Variants in RIGI observed in about 807,000 individuals in gnomAD.
The protein encoded by RIGI is RNA sensor RIG-I, also known as antiviral innate immune response receptor RIG-I.
chr9:32,468,010 G>A, the RIGI span: 1 of 1,343,952 alleles, frequency 7.4e-7, no homozygotes. Context: ...ACTAATTATG[G>A]AATGCTTATT....
At chr9:32,501,060 T>C in the RIGI span, 17 of 1,249,440 alleles carry the variant, frequency 1.4e-5, no homozygotes, top group Admixed American at 4.6e-5. Flanking sequence ...AGTCACAGCA[T>C]TGGAAGAATC....
chr9:32,509,448 C>T, the RIGI span, among the ~76,000 whole-genome samples: 1 of 152,126 alleles, frequency 6.6e-6, no homozygotes, highest in Non-Finnish European at 1.5e-5. Context: ...CTGGTGATAC[C>T]CAGGCAAACA....
chr9:32,486,013 A>T, the RIGI span, among the ~76,000 whole-genome samples: 1 of 152,182 alleles, frequency 6.6e-6, no homozygotes, highest in Admixed American at 6.5e-5. Context: ...ATATTATTTC[A>T]GCCTAATTAT....
the RIGI span, among the ~76,000 whole-genome samples, chr9:32,499,316 G>GTTTTTTTTTTTTTTTTTTTT: frequency 5.4e-4 from 31 of 57,648 alleles, 1 homozygote; most frequent in Admixed American, 1.0e-3. Flanking sequence ...TTTGTGATTT[G>GTTTTTTTTTTTTTTTTTTTT]TTTTTTTTTT....
chr9:32,489,032 A>C, the RIGI span: 1 of 792,828 alleles, frequency 1.3e-6, no homozygotes, highest in Admixed American at 3.5e-5. Context: ...CAGAATTTAC[A>C]CTATGACTAA....
At chr9:32,480,244 C>T in the RIGI span, 1 of 1,608,276 alleles carries the variant, frequency 6.2e-7, no homozygotes. Context: ...TAAGATCTTG[C>T]TCAATCTCAT....
At chr9:32,465,418 A>T in the RIGI span, among the ~76,000 whole-genome samples, 1 of 152,240 alleles carries the variant, frequency 6.6e-6, no homozygotes, top group African/African-American at 2.4e-5. Context: ...TTGGTCTATT[A>T]AACTGTAAGG....
At chr9:32,493,984 C>A in the RIGI span, 1 of 1,401,104 alleles carries the variant, frequency 7.1e-7, no homozygotes, top group Admixed American at 2.5e-5. Flanking sequence ...ATGAAACCAA[C>A]TGAAAAATAC....
At chr9:32,481,288 A>G in the RIGI span, 4 of 1,564,134 alleles carry the variant, frequency 2.6e-6, no homozygotes, top group Admixed American at 7.6e-5. Context: ...CCACGGTGCC[A>G]CTCCCAGTAG....
At chr9:32,481,924 C>G in the RIGI span, among the ~76,000 whole-genome samples, 1 of 152,148 alleles carries the variant, frequency 6.6e-6, no homozygotes, top group African/African-American at 2.4e-5. Flanking sequence ...GATATTCCTC[C>G]TGAAATAGTC....
chr9:32,489,538 G>A, the RIGI span: 1 of 675,622 alleles, frequency 1.5e-6, no homozygotes, highest in Non-Finnish European at 2.4e-6. Context: ...CACAAATTCT[G>A]ACTCCAGCAA....
At chr9:32,487,573 C>T in the RIGI span, 4 of 1,614,018 alleles carry the variant, frequency 2.5e-6, no homozygotes, top group African/African-American at 5.3e-5. Flanking sequence ...CAGATATAAT[C>T]CAAGGCTTCA....
chr9:32,464,987 C>G, the RIGI span, among the ~76,000 whole-genome samples: 2 of 152,186 alleles, frequency 1.3e-5, no homozygotes, highest in Non-Finnish European at 2.9e-5. Flanking sequence ...CTCTCTTCCT[C>G]AACAGACTTT....
the RIGI span, chr9:32,466,212 TAA>T: frequency 6.8e-7 from 1 of 1,470,690 alleles, no homozygotes. Context: ...AGCAATATGA[TAA>T]AAGATACCAA....
the RIGI span, chr9:32,491,547 C>T: frequency 1.5e-6 from 1 of 661,900 alleles, no homozygotes; most frequent in South Asian, 2.2e-5. Flanking sequence ...ACAACCACTC[C>T]CCTTCACCTT....
chr9:32,466,297 C>G, the RIGI span: 3 of 1,613,546 alleles, frequency 1.9e-6, no homozygotes, highest in South Asian at 2.2e-5. Flanking sequence ...TACCTTTTCC[C>G]TAAATACTGC....
At chr9:32,512,458 T>C in the RIGI span, among the ~76,000 whole-genome samples, 80 of 152,170 alleles carry the variant, frequency 5.3e-4, 1 homozygote, top group East Asian at 0.015. Context: ...ACAGAACTAA[T>C]GACAAAAACC....
chr9:32,489,331 G>A, the RIGI span: 2 of 1,569,642 alleles, frequency 1.3e-6, no homozygotes, highest in Non-Finnish European at 1.7e-6. Flanking sequence ...GTAAGTAATG[G>A]CAATAGGCTT....
chr9:32,504,079 C>T, the RIGI span, among the ~76,000 whole-genome samples: 1 of 67,446 alleles, frequency 1.5e-5, no homozygotes, highest in African/African-American at 5.2e-5. Flanking sequence ...CCAGGTCTGC[C>T]TTGAAACATC....
Sources: allele counts gnomAD v4.1 joint callset (sites outside exome capture counted in the v4.1 genomes callset), GRCh38; gene constraint gnomAD v4.1.1; transcripts MANE v1.5; gene names NCBI Gene and HGNC (gene_info 2026-07-23, HGNC 2026-07-21).